ROBO2: variants seen among roughly 807,000 people sequenced by gnomAD.
ROBO2 encodes roundabout guidance receptor 2.
Under a neutral mutation model 160.8 loss-of-function variants are expected in ROBO2, and 53 were observed. The ratio of observed to expected loss-of-function variants is 0.33; its 90% confidence interval spans 0.26 to 0.41. ROBO2 has a LOEUF of 0.41. ROBO2 is among the 10% of genes least tolerant of loss of function. The pLI is 1.00. For missense variants in ROBO2, 1,577 were observed against 1,722.4 expected (o/e 0.92, Z 1.49); for synonymous variants, 664 against 611.7 (o/e 1.09, Z -1.26).
chr3:76,924,673 T>TG (rs1269561066), intron 2 of ROBO2, among the ~76,000 whole-genome samples: 3 of 152,322 alleles, frequency 2.0e-5, no homozygotes, highest in Non-Finnish European at 4.4e-5. Flanking sequence ...CACAGTGCTT[T>TG]GCACAAACTC....
intron 2 of ROBO2, among the ~76,000 whole-genome samples, chr3:77,158,406 A>G (rs1325519849): frequency 6.6e-6 from 1 of 152,132 alleles, no homozygotes; most frequent in East Asian, 1.9e-4. Flanking sequence ...TGTGAAAAAC[A>G]GACGGCAAAC....
intron 5 of ROBO2, among the ~76,000 whole-genome samples, chr3:77,498,630 C>G (rs1369979492): frequency 6.7e-6 from 1 of 149,296 alleles, no homozygotes; most frequent in Non-Finnish European, 1.5e-5. Flanking sequence ...TTTTGGATGG[C>G]ATTTTTATAC....
chr3:77,359,704 G>T (rs2069647826), intron 2 of ROBO2, among the ~76,000 whole-genome samples: 1 of 152,072 alleles, frequency 6.6e-6, no homozygotes, highest in South Asian at 2.1e-4. Context: ...TTTGAAATGA[G>T]GTCTCGCCCT....
chr3:76,712,824 T>C lies in ROBO2; in HGVS notation c.110-385190T>C, dbSNP rs1239285284. ...TCTTTTCCAATTTTCTCTTCATTTC[T>C]TATATTAGAATGATTTTACTAATCT... On this transcript the variant is annotated intron_variant, in intron 2 of 26. Transcript: ENST00000487694. Among the ~76,000 whole-genome samples the C allele has an allele frequency of 2.0e-5, 3 of 152,276 alleles. No individual in the cohort carries two copies. In the East Asian group the frequency reaches 5.8e-4, roughly 29 times the overall value.
chr3:77,378,243 G>A (rs2072956065), intron 2 of ROBO2, among the ~76,000 whole-genome samples: 1 of 152,112 alleles, frequency 6.6e-6, no homozygotes, highest in African/African-American at 2.4e-5. Flanking sequence ...CTAACTTGAA[G>A]GTTCAGCTAA....
At chr3:76,464,530 GTCAGTTTCTTTCCACC>G (rs1485066627) in intron 2 of ROBO2, among the ~76,000 whole-genome samples, 1 of 151,604 alleles carries the variant, frequency 6.6e-6, no homozygotes, top group Non-Finnish European at 1.5e-5. Context: ...AAACCCCAGA[GTCAGTTTCTTTCCACC>G]TCAGTAGGGC....
intron 2 of ROBO2, among the ~76,000 whole-genome samples, chr3:76,889,217 G>A (rs2074153427): frequency 6.6e-6 from 1 of 152,112 alleles, no homozygotes; most frequent in Admixed American, 6.5e-5. Context: ...TGACTCACTT[G>A]CTTAGTGTAG....
At chr3:76,094,159 C>T (rs1391828929) in intron 2 of ROBO2, among the ~76,000 whole-genome samples, 6 of 151,718 alleles carry the variant, frequency 4.0e-5, no homozygotes, top group Non-Finnish European at 7.4e-5. Flanking sequence ...CACACACAAG[C>T]ACACACAATC....
In ROBO2 at chr3:76,873,711, A is replaced by G. The variant is rs368495110; in HGVS notation, c.110-224303A>G. On this transcript the variant is annotated intron_variant, in intron 2 of 26. Transcript: ENST00000487694. ...CTCCCAAGTAGCTGGGATTGCAGGC[A>G]CTCTCTAACCTGCCCAGCAAACAAT... Among the ~76,000 whole-genome samples, 50 of 152,162 alleles carry G rather than the reference A, an allele frequency of 3.3e-4. No homozygotes were observed. The South Asian group carries it at 9.6e-3, about 29-fold the overall frequency.
intron 2 of ROBO2, among the ~76,000 whole-genome samples, chr3:77,107,392 A>C (rs2072953791): frequency 6.6e-6 from 1 of 152,178 alleles, no homozygotes; most frequent in Non-Finnish European, 1.5e-5. Flanking sequence ...TTAACACCCA[A>C]GTAGAGAAAA....
At chr3:76,713,388 G>T (rs2107628840) in intron 2 of ROBO2, among the ~76,000 whole-genome samples, 1 of 152,140 alleles carries the variant, frequency 6.6e-6, no homozygotes, top group East Asian at 1.9e-4. Flanking sequence ...ATTTTAAAAA[G>T]ATTTTTGTTG....
chr3:76,799,354 A>T (rs1274509103), intron 2 of ROBO2, among the ~76,000 whole-genome samples: 1 of 152,228 alleles, frequency 6.6e-6, no homozygotes, highest in Admixed American at 6.5e-5. Flanking sequence ...CTGTTATTCA[A>T]ATAGTACTGG....
At chr3:77,380,939 C>G (rs13086171) in intron 2 of ROBO2, among the ~76,000 whole-genome samples, 43,554 of 151,920 alleles carry the variant, frequency 0.29, 6,809 homozygotes, top group East Asian at 0.62. Flanking sequence ...TCTTTCTCCC[C>G]GTGAAACTGG....
chr3:76,577,326 C>G (rs1320702498), intron 2 of ROBO2, among the ~76,000 whole-genome samples: 2 of 151,528 alleles, frequency 1.3e-5, no homozygotes, highest in Non-Finnish European at 2.9e-5. Flanking sequence ...TCCTCCATAC[C>G]CAGCTCCATA....
intron 2 of ROBO2, among the ~76,000 whole-genome samples, chr3:76,043,239 C>T (rs2067333454): frequency 6.6e-6 from 1 of 151,674 alleles, no homozygotes; most frequent in East Asian, 1.9e-4. Flanking sequence ...GAACATTTTG[C>T]CACTGTGCTT....
intron 2 of ROBO2, among the ~76,000 whole-genome samples, chr3:76,356,637 C>A (rs2108339631): frequency 6.6e-6 from 1 of 151,642 alleles, no homozygotes; most frequent in South Asian, 2.1e-4. Flanking sequence ...ACTTCAACTT[C>A]ACAAAGCCAA....
At chr3:77,027,981 T>C (rs1181337325) in intron 2 of ROBO2, among the ~76,000 whole-genome samples, 1 of 152,146 alleles carries the variant, frequency 6.6e-6, no homozygotes, top group African/African-American at 2.4e-5. Context: ...TGGCTTTCTC[T>C]AGTTTTTGTT....
rs138531193 is a variant in ROBO2 at position 76,101,127 on chromosome 3, G to A, written c.109+163525G>A. ...CAGGGAAACAGGTCCTGTCCAGAAA[G>A]CCGGTAATCGTCACAGAGTTAATAT... On this transcript the variant is annotated intron_variant, in intron 2 of 26. Coordinates refer to the ROBO2 transcript ENST00000487694. Among the ~76,000 whole-genome samples, 678 of 152,206 alleles carry A rather than the reference G, an allele frequency of 4.5e-3. 8 individuals are homozygous for A. Among genetic ancestry groups the A allele is most frequent in the African/African-American group, 0.016 (644 of 41,524 alleles).
chr3:76,243,501 G>A (rs764321522), intron 2 of ROBO2, among the ~76,000 whole-genome samples: 1 of 152,204 alleles, frequency 6.6e-6, no homozygotes, highest in Non-Finnish European at 1.5e-5. Flanking sequence ...AGAAAACACA[G>A]TAGTACCCAA....
Sources: allele counts gnomAD v4.1 joint callset (sites outside exome capture counted in the v4.1 genomes callset), GRCh38; gene constraint gnomAD v4.1.1; transcripts MANE v1.5; gene names NCBI Gene and HGNC (gene_info 2026-07-23, HGNC 2026-07-21).